The following HOMER1 variants were observed in gnomAD, a reference collection of about 807,000 sequenced individuals.
The protein encoded by HOMER1 is homer scaffold protein 1.
A neutral mutation model predicts 48.9 loss-of-function variants in HOMER1; 3 were observed. The observed-to-expected ratio is 0.06, with a 90% CI of 0.03 to 0.16. HOMER1 has a LOEUF of 0.16. Ranked by LOEUF, HOMER1 falls within the 10% of genes least tolerant of loss-of-function variation. The probability of loss-of-function intolerance (pLI) is 1.00; values close to 1 mark genes in which losing one functional copy is unlikely to be tolerated. For synonymous variants in HOMER1, 134 were observed against 146.4 expected (o/e 0.92, Z 0.61); for missense variants, 247 against 411.4 (o/e 0.60, Z 3.46).
intron 5 of HOMER1, among the ~76,000 whole-genome samples, chr5:79,413,951 T>C (rs1749874239): frequency 6.6e-6 from 1 of 152,162 alleles, no homozygotes; most frequent in Non-Finnish European, 1.5e-5. Context: ...GCTAGGCAAA[T>C]AGCCTAGTAT....
chr5:79,477,203 A>G (rs1028329565), intron 1 of HOMER1, among the ~76,000 whole-genome samples: 13 of 152,220 alleles, frequency 8.5e-5, no homozygotes, highest in African/African-American at 3.1e-4. Context: ...GTCTAGCCTC[A>G]CCTGTAATTT....
intron 1 of HOMER1, chr5:79,510,974 C>A: frequency 2.1e-6 from 1 of 473,740 alleles, no homozygotes; most frequent in South Asian, 4.1e-5. Flanking sequence ...GGCTGTGGGG[C>A]TGGGGTCCTC....
At chr5:79,502,848 T>C (rs538352151) in intron 1 of HOMER1, among the ~76,000 whole-genome samples, 3 of 152,328 alleles carry the variant, frequency 2.0e-5, no homozygotes, top group South Asian at 2.1e-4. Flanking sequence ...TGGAGTGCAG[T>C]GGCGCAATCT....
intron 1 of HOMER1, among the ~76,000 whole-genome samples, chr5:79,499,926 A>C (rs937183122): frequency 1.3e-5 from 2 of 152,212 alleles, no homozygotes; most frequent in Non-Finnish European, 2.9e-5. Flanking sequence ...GCAATACCAT[A>C]AACTTTGAAT....
At chr5:79,484,285 A>C (rs899609764) in intron 1 of HOMER1, among the ~76,000 whole-genome samples, 12 of 151,984 alleles carry the variant, frequency 7.9e-5, no homozygotes, top group Non-Finnish European at 1.0e-4. Context: ...AATCATAAAA[A>C]AACACTCAAT....
chr5:79,393,212 A>G (rs1749298297), intron 8 of HOMER1, among the ~76,000 whole-genome samples: 1 of 152,236 alleles, frequency 6.6e-6, no homozygotes, highest in African/African-American at 2.4e-5. Flanking sequence ...AAAACAAAAT[A>G]GAAATAAAAA....
chr5:79,452,920 T>C (rs4235711), intron 2 of HOMER1, among the ~76,000 whole-genome samples: 1,598 of 152,304 alleles, frequency 0.01, 111 homozygotes, highest in Admixed American at 0.092. Flanking sequence ...TGGCATCAAA[T>C]GAAGTCATCA....
chr5:79,508,379 G>C (rs1049300335), intron 1 of HOMER1, among the ~76,000 whole-genome samples: 1 of 152,128 alleles, frequency 6.6e-6, no homozygotes, highest in Non-Finnish European at 1.5e-5. Flanking sequence ...AAGCATATTG[G>C]GTTGCAATGT....
intron 1 of HOMER1, among the ~76,000 whole-genome samples, chr5:79,497,911 A>C (rs879023540): frequency 6.6e-6 from 1 of 152,110 alleles, no homozygotes; most frequent in African/African-American, 2.4e-5. Flanking sequence ...TAGAAGAGTA[A>C]ATTCATGGAC....
chr5:79,448,976 TA>T (rs201455923), intron 3 of HOMER1, among the ~76,000 whole-genome samples: 7,245 of 142,458 alleles, frequency 0.051, 422 homozygotes, highest in East Asian at 0.19. Flanking sequence ...GAAAAAAAAT[TA>T]AAAAAAAAAA....
intron 5 of HOMER1, among the ~76,000 whole-genome samples, chr5:79,436,150 A>G: frequency 6.6e-6 from 1 of 151,844 alleles, no homozygotes; most frequent in East Asian, 1.9e-4. Context: ...ATAAATAAAT[A>G]AAAATAAATA....
intron 1 of HOMER1, among the ~76,000 whole-genome samples, chr5:79,479,182 T>C (rs1253766970): frequency 1.3e-5 from 2 of 152,182 alleles, no homozygotes; most frequent in Non-Finnish European, 2.9e-5. Flanking sequence ...GACAGACTTT[T>C]AAATGTAGGA....
chr5:79,501,897 T>C (rs1190246817), intron 1 of HOMER1, among the ~76,000 whole-genome samples: 4 of 152,182 alleles, frequency 2.6e-5, no homozygotes, highest in Non-Finnish European at 5.9e-5. Flanking sequence ...CAAGTTTTGC[T>C]AGCACTAGAG....
intron 1 of HOMER1, among the ~76,000 whole-genome samples, chr5:79,478,792 A>C (rs1751863690): frequency 6.6e-6 from 1 of 152,140 alleles, no homozygotes; most frequent in African/African-American, 2.4e-5. Flanking sequence ...TCTCTACTAA[A>C]AATACAAAAA....
chr5:79,407,920 T>C (rs984928155), intron 5 of HOMER1, among the ~76,000 whole-genome samples: 8 of 152,192 alleles, frequency 5.3e-5, no homozygotes, highest in Admixed American at 2.6e-4. Context: ...TGGTCAACTA[T>C]AGTCTGAAAA....
chr5:79,482,010 G>A (rs1751963004), intron 1 of HOMER1, among the ~76,000 whole-genome samples: 2 of 152,254 alleles, frequency 1.3e-5, no homozygotes, highest in Admixed American at 6.5e-5. Context: ...CTTGAGCCCA[G>A]GAATTCAAGA....
chr5:79,447,824 A>T (rs1184068339), intron 3 of HOMER1, among the ~76,000 whole-genome samples: 1 of 152,182 alleles, frequency 6.6e-6, no homozygotes, highest in Admixed American at 6.5e-5. Flanking sequence ...GCCACAAAGA[A>T]TATCTATTTA....
At chr5:79,377,587 A>C (rs1269740469) in intron 8 of HOMER1, among the ~76,000 whole-genome samples, 2 of 152,252 alleles carry the variant, frequency 1.3e-5, no homozygotes, top group African/African-American at 4.8e-5. Context: ...ATAGCCTCAG[A>C]AAATGAGATG....
chr5:79,381,950 G>C (rs1748994025), intron 8 of HOMER1, among the ~76,000 whole-genome samples: 1 of 148,812 alleles, frequency 6.7e-6, no homozygotes, highest in South Asian at 2.1e-4. Context: ...ATTTACCAAA[G>C]AGATATACAC....
Sources: allele counts gnomAD v4.1 joint callset (sites outside exome capture counted in the v4.1 genomes callset), GRCh38; gene constraint gnomAD v4.1.1; transcripts MANE v1.5; gene names NCBI Gene and HGNC (gene_info 2026-07-23, HGNC 2026-07-21).